Variants in CDC37L1 observed in about 807,000 individuals in gnomAD.
CDC37L1 encodes the protein cell division cycle 37 like 1, HSP90 cochaperone, also known as hsp90 co-chaperone Cdc37-like 1.
Under a neutral mutation model 45.9 loss-of-function variants are expected in CDC37L1, and 32 were observed. That is an observed-to-expected ratio of 0.70 (90% CI 0.53 to 0.94). The LOEUF (loss-of-function observed/expected upper bound fraction) is 0.94. Among genes scored for constraint, CDC37L1 ranks in the 40% least tolerant of loss-of-function variants. The probability of loss-of-function intolerance (pLI) is 0.00; values close to 1 mark genes in which losing one functional copy is unlikely to be tolerated. For missense variants in CDC37L1, 434 were observed against 405.7 expected (o/e 1.07, Z -0.60); for synonymous variants, 150 against 133.0 (o/e 1.13, Z -0.88).
At chr9:4,692,634 A>T (rs1841312308) in intron 3 of CDC37L1, among the ~76,000 whole-genome samples, 2 of 152,328 alleles carry the variant, frequency 1.3e-5, no homozygotes, top group East Asian at 1.9e-4. Flanking sequence ...CAAAATGTTA[A>T]CAGTAATCTC....
intron 6 of CDC37L1, among the ~76,000 whole-genome samples, chr9:4,705,243 C>A (rs1328028138): frequency 6.6e-6 from 1 of 152,060 alleles, no homozygotes; most frequent in Admixed American, 6.5e-5. Flanking sequence ...AAGTAACTAG[C>A]AGATATTCGG....
chr9:4,701,723 G>C, intron 5 of CDC37L1, 141 bp from the exon 6 acceptor site: 1 of 520,504 alleles, frequency 1.9e-6, no homozygotes, highest in East Asian at 3.3e-5. Context: ...AATGTGACAG[G>C]GATCGTGGTG....
At chr9:4,693,284 A>G (rs986222953) in intron 3 of CDC37L1, among the ~76,000 whole-genome samples, 3 of 151,774 alleles carry the variant, frequency 2.0e-5, no homozygotes, top group African/African-American at 4.8e-5. Flanking sequence ...TCTACAAAAA[A>G]AAAAAAAAAT....
chr9:4,703,113 C>T (rs1192844419), intron 6 of CDC37L1: 1 of 1,538,760 alleles, frequency 6.5e-7, no homozygotes, highest in Non-Finnish European at 8.8e-7. Context: ...CCAGCTTTAG[C>T]CAGTTTAATC....
Position 4,706,232 on chromosome 9 carries a change from A to T in CDC37L1, c.*120A>T. 1 of 526,150 alleles carries T rather than the reference A, an allele frequency of 1.9e-6. No individual in the cohort carries two copies. 32.6% of individuals were successfully genotyped at this position (526,150 alleles called of 1,614,324 possible). On this transcript the variant is annotated 3_prime_UTR_variant, in exon 7 of 7. Transcript: ENST00000381854. The stretch of plus-strand genomic sequence containing the variant: ...TTTTGTTCGGTTTTTGATGGGAGGG[A>T]AAGAGTACTGAAATGTTTTGTAAAT...
At chr9:4,705,084 T>G (rs1025760830) in intron 6 of CDC37L1, among the ~76,000 whole-genome samples, 2 of 152,172 alleles carry the variant, frequency 1.3e-5, no homozygotes, top group African/African-American at 4.8e-5. Context: ...TTGTACTTTC[T>G]TAGGAGGATC....
rs143837107 is a variant in CDC37L1 at position 4,692,976 on chromosome 9, G to A, written c.509-4120G>A. ...TTGGTTTCAAGTAAGATGGGTTTAC[G>A]TGCAGGCATATCAGTAGAAATGCAT... is the stretch of plus-strand genomic sequence containing the variant. On this transcript the variant is annotated intron_variant, in intron 3 of 6. Coordinates refer to ENST00000381854, the MANE Select transcript of CDC37L1 (RefSeq NM_017913.4). Among the ~76,000 whole-genome samples, 5 of 152,246 alleles carry A rather than the reference G, an allele frequency of 3.3e-5. No homozygotes were observed. The East Asian group carries it at 5.8e-4, about 18-fold the overall frequency.
At chr9:4,683,971 G>C (rs1444975828) in intron 1 of CDC37L1, among the ~76,000 whole-genome samples, 1 of 152,184 alleles carries the variant, frequency 6.6e-6, no homozygotes, top group Admixed American at 6.5e-5. Flanking sequence ...CAGCAGGGTA[G>C]ACCATTGTCA....
Position 4,679,593 on chromosome 9 carries a change from G to T in CDC37L1, c.-175G>T, listed in dbSNP as rs1345057597. On this transcript the variant is annotated 5_prime_UTR_variant, in exon 1 of 7. Coordinates refer to ENST00000381854, the MANE Select transcript of CDC37L1 (RefSeq NM_017913.4). ...TCTTCCGCCGTCCGCCGGTGGCGAG[G>T]CCCAGGCTGTCGCCGGGTGTGCAGC... 1.6e-5 allele frequency: 9 copies of T among 560,886 alleles called. No homozygotes were observed. Among genetic ancestry groups the T allele is most frequent in the Non-Finnish European group, 2.5e-5 (8 of 321,322 alleles). 34.7% of individuals were successfully genotyped at this position (560,886 alleles called of 1,614,324 possible). A position where few individuals can be genotyped will look rare whatever the true frequency, so the allele number is the denominator to read the frequency against.
At chr9:4,688,340 G>T (rs1240646032) in intron 2 of CDC37L1, among the ~76,000 whole-genome samples, 173 bp from the exon 3 acceptor site, 1 of 152,072 alleles carries the variant, frequency 6.6e-6, no homozygotes, top group East Asian at 1.9e-4. Context: ...TCCCATACAA[G>T]AAAATTTTAA....
intron 3 of CDC37L1, among the ~76,000 whole-genome samples, chr9:4,690,740 A>G (rs899332639): frequency 3.3e-5 from 5 of 152,250 alleles, no homozygotes; most frequent in African/African-American, 9.6e-5. Context: ...TCCCAGAGTC[A>G]CAATGTGCCT....
intron 3 of CDC37L1, among the ~76,000 whole-genome samples, chr9:4,689,107 G>A (rs1281631979): frequency 6.6e-6 from 1 of 152,092 alleles, no homozygotes; most frequent in African/African-American, 2.4e-5. Context: ...GGTAAGAGGG[G>A]GGTTGATACA....
Position 4,684,988 on chromosome 9 carries a change from G to A in CDC37L1, c.244G>A (p.Ala82Thr). The A allele has an allele frequency of 6.2e-7, 1 of 1,614,094 alleles. No homozygotes were observed. The highest frequency in any genetic ancestry group is 8.5e-7 in the Non-Finnish European group (1 of 1,179,944). ...AGCTCAACAGAAACTTGGTAGCTTA[G>A]CACTGCATAATTCTGAGTCCTTGGA... ...AEAQQKLGSL[A>T]LHNSESLDQE... The change falls in exon 2 of 7, where the codon GCA (alanine) becomes ACA (threonine). Residue 82 changes from alanine (A) to threonine (T), a missense_variant. Ala to Thr is a moderately conservative substitution (Grantham distance 58, BLOSUM62 0). Transcript: ENST00000381854.
At chr9:4,692,516 C>T (rs1020123335) in intron 3 of CDC37L1, among the ~76,000 whole-genome samples, 1 of 152,034 alleles carries the variant, frequency 6.6e-6, no homozygotes, top group Non-Finnish European at 1.5e-5. Context: ...ATGATCCGCC[C>T]GCCTCGGCCT....
chr9:4,680,155 A>G (rs1269598275), intron 1 of CDC37L1, among the ~76,000 whole-genome samples: 2 of 151,532 alleles, frequency 1.3e-5, no homozygotes, highest in Non-Finnish European at 2.9e-5. Flanking sequence ...ATTCCTGTTC[A>G]CTCTTGGAAT....
intron 3 of CDC37L1, among the ~76,000 whole-genome samples, chr9:4,692,815 TAGTAGTATAAC>T: frequency 6.6e-6 from 1 of 152,306 alleles, no homozygotes; most frequent in East Asian, 1.9e-4. Flanking sequence ...TAACTGATCA[TAGTAGTATAAC>T]CACAGGACTT....
At chr9:4,702,970 C>A in intron 6 of CDC37L1, 1 of 916,520 alleles carries the variant, frequency 1.1e-6, no homozygotes, top group East Asian at 3.2e-5. Context: ...ATGATCAGAC[C>A]ACTGGTCTGC....
chr9:4,687,433 C>T (rs1431632154), intron 2 of CDC37L1, among the ~76,000 whole-genome samples: 3 of 152,030 alleles, frequency 2.0e-5, no homozygotes, highest in East Asian at 1.9e-4. Context: ...AATCCCAGCA[C>T]GTTGGAAGGC....
Position 4,707,551 on chromosome 9 carries a change from C to T in CDC37L1, c.*1439C>T, listed in dbSNP as rs1308433300. 2.0e-5 allele frequency: 3 copies of T among 152,190 alleles called. No homozygotes were observed. Among genetic ancestry groups the T allele is most frequent in the Non-Finnish European group, 2.9e-5 (2 of 68,036 alleles). The allele number at this position is 152,190 out of a possible 1,614,324, so 9.4% of individuals were successfully genotyped here. On this transcript the variant is annotated 3_prime_UTR_variant, in exon 7 of 7. Coordinates refer to ENST00000381854, the MANE Select transcript of CDC37L1 (RefSeq NM_017913.4). ...AGACACTTAGTACCCTAGAAATGGA[C>T]TGGAATTATTGAATCTTCTTCTGTA...
Sources: allele counts gnomAD v4.1 joint callset (sites outside exome capture counted in the v4.1 genomes callset), GRCh38; gene constraint gnomAD v4.1.1; transcripts MANE v1.5; gene names NCBI Gene and HGNC (gene_info 2026-07-23, HGNC 2026-07-21).